The following RGPD4 variants were observed in gnomAD, a reference collection of about 807,000 sequenced individuals.
RGPD4 encodes the protein RANBP2 like and GRIP domain containing 4.
A neutral mutation model predicts 141.1 loss-of-function variants in RGPD4; 84 were observed. The observed-to-expected ratio is 0.60, with a 90% CI of 0.50 to 0.71. The LOEUF (loss-of-function observed/expected upper bound fraction) is 0.71, where lower values mean the gene tolerates loss of function less well. Among genes scored for constraint, RGPD4 ranks in the 30% least tolerant of loss-of-function variants. The pLI is 0.00. For missense variants in RGPD4, 918 were observed against 1,622.4 expected, an observed-to-expected ratio of 0.57 and a Z score of 7.46; for synonymous variants, 298 against 566.8, an observed-to-expected ratio of 0.53 and a Z score of 6.74.
intron 22 of RGPD4, among the ~76,000 whole-genome samples, chr2:107,889,222 C>A (rs559916498): frequency 4.4e-5 from 5 of 112,714 alleles, no homozygotes; most frequent in Admixed American, 2.6e-4. Flanking sequence ...ATCCTATGCA[C>A]AAACCTTGTG....
At chr2:107,827,132 C>A (rs1038208236) in intron 1 of RGPD4, 47 bp downstream of exon 1, 1 of 582,552 alleles carries the variant, frequency 1.7e-6, no homozygotes. Flanking sequence ...GGCCGGGCGG[C>A]GGAGGCCTCG....
intron 22 of RGPD4, among the ~76,000 whole-genome samples, chr2:107,887,069 C>A (rs1346569048): frequency 6.8e-6 from 1 of 147,034 alleles, no homozygotes; most frequent in African/African-American, 2.5e-5. Context: ...ATGGCGAGAC[C>A]CTATGTCTAC....
In RGPD4 at chr2:107,871,904, G is replaced by C. The variant is rs1336055278; in HGVS notation, c.3900G>C (p.Leu1300Phe). ...CTAACTTCAGTTTTAAATCTGCTTT[G>C]AGTCCATCTAAGTCTCCTGCCAAGT... is the stretch of plus-strand genomic sequence containing the variant. ...TGSNFSFKSA[L>F]SPSKSPAKLN... The change falls in exon 20 of 23, where the codon TTG (leucine) becomes TTC (phenylalanine). Residue 1300 changes from leucine to phenylalanine, a missense_variant. Coordinates refer to ENST00000408999, the MANE Select transcript of RGPD4 (RefSeq NM_182588.3). The C allele has an allele frequency of 1.2e-6, 2 of 1,611,538 alleles. 1 individual carries two copies. Among genetic ancestry groups the C allele is most frequent in the South Asian group, 2.2e-5 (2 of 90,988 alleles).
At chr2:107,878,080 A>T (rs1683142083) in intron 20 of RGPD4, among the ~76,000 whole-genome samples, 1 of 150,920 alleles carries the variant, frequency 6.6e-6, no homozygotes, top group Non-Finnish European at 1.5e-5. Flanking sequence ...CCAAACTGCT[A>T]GGATTACAGA....
At chr2:107,876,492 G>C (rs977488444) in intron 20 of RGPD4, among the ~76,000 whole-genome samples, 3 of 151,360 alleles carry the variant, frequency 2.0e-5, no homozygotes, top group Non-Finnish European at 2.9e-5. Context: ...CTAGAGCAAG[G>C]AACTTAGAAA....
intron 1 of RGPD4, among the ~76,000 whole-genome samples, chr2:107,830,090 T>C (rs1681425312): frequency 6.6e-6 from 1 of 151,816 alleles, no homozygotes; most frequent in Non-Finnish European, 1.5e-5. Flanking sequence ...CGCTGTCCCT[T>C]TGTAAGGGTC....
At chr2:107,876,438 T>C (rs1203815137) in intron 20 of RGPD4, among the ~76,000 whole-genome samples, 1 of 151,646 alleles carries the variant, frequency 6.6e-6, no homozygotes, top group African/African-American at 2.4e-5. Flanking sequence ...TTGTTCTCCG[T>C]TGTTAGTCAT....
At chr2:107,856,157 C>T (rs1240507244) in intron 8 of RGPD4, among the ~76,000 whole-genome samples, 1 of 123,668 alleles carries the variant, frequency 8.1e-6, no homozygotes, top group African/African-American at 3.4e-5. Flanking sequence ...GGGTTCACAC[C>T]ATTCTCCTCC....
Position 107,869,869 on chromosome 2 carries a change from T to G in RGPD4, c.2606-14T>G. On this transcript the variant is annotated splice_polypyrimidine_tract_variant and intron_variant, in intron 18 of 22. Transcript: ENST00000408999. The stretch of plus-strand genomic sequence containing the variant: ...TTTAACAGTGTTTTCTTTCTTTTCT[T>G]TTTTTTTTTTTAGTTGCAACTACTG... 8.2e-7 allele frequency: 1 copy of G among 1,221,954 alleles called. No individual in the cohort carries two copies. Among genetic ancestry groups the G allele is most frequent in the East Asian group, 2.5e-5 (1 of 39,234 alleles). 75.7% of individuals were successfully genotyped at this position (1,221,954 alleles called of 1,614,324 possible).
intron 21 of RGPD4, among the ~76,000 whole-genome samples, chr2:107,880,510 G>A (rs1320918686): frequency 6.6e-6 from 1 of 151,566 alleles, no homozygotes. Context: ...TGATCCACCT[G>A]CCTTGGCCTC....
intron 17 of RGPD4, among the ~76,000 whole-genome samples, chr2:107,865,792 C>T (rs889712329): frequency 6.2e-5 from 9 of 145,334 alleles, no homozygotes; most frequent in South Asian, 4.4e-4. Context: ...TAATCAGGTC[C>T]GGGCGTGGTG....
intron 20 of RGPD4, among the ~76,000 whole-genome samples, chr2:107,878,076 TG>T (rs1362240421): frequency 6.6e-6 from 1 of 150,990 alleles, no homozygotes; most frequent in Non-Finnish European, 1.5e-5. Flanking sequence ...CCTCCCAAAC[TG>T]CTAGGATTAC....
At position 107,871,834 on chromosome 2, in the gene RGPD4, C is replaced by G. The variant is rs756941030; in HGVS notation, c.3830C>G (p.Pro1277Arg). 1.2e-6 allele frequency: 2 copies of G among 1,611,568 alleles called. No homozygotes were observed. Among genetic ancestry groups the G allele is most frequent in the Non-Finnish European group, 1.7e-6 (2 of 1,179,852 alleles). Residue 1277 changes from proline to arginine, a missense_variant, in exon 20 of 23, where the codon CCT (proline) becomes CGT (arginine). Transcript: ENST00000408999. ...CATGCTTCTCCATTGGCAAGTAGCC[C>G]TGTGAGAAAAAATCTTTTCCATTTT... ...SVHASPLASS[P>R]VRKNLFHFGE... is the part of the protein sequence containing the mutation.
intron 22 of RGPD4, among the ~76,000 whole-genome samples, chr2:107,886,877 AT>A (rs1675528228): frequency 6.6e-6 from 1 of 151,856 alleles, no homozygotes; most frequent in Non-Finnish European, 1.5e-5. Context: ...AGTATTTTTC[AT>A]TCAGGTTGCT....
chr2:107,851,312 A>G (rs1023549970), intron 7 of RGPD4, among the ~76,000 whole-genome samples: 1 of 73,924 alleles, frequency 1.4e-5, no homozygotes, highest in Admixed American at 1.2e-4. Context: ...AGGTCTTGCT[A>G]TGTTTCCCAG....
Position 107,872,738 on chromosome 2 carries a change from G to T in RGPD4, c.4734G>T (p.Leu1578Phe). ...TTGGATTTAGTTTTAATGCATCTTTGAAAAGTAACAACAGTGAAACTAGTT... is the reference window on the plus strand; with the variant it reads ...TTGGATTTAGTTTTAATGCATCTTTTAAAAGTAACAACAGTGAAACTAGTT... Reference protein sequence around the residue: ...SLFGFSFNASLKSNNSETSSV... With the variant: ...SLFGFSFNASFKSNNSETSSV... The change falls in exon 20 of 23, where the codon TTG (leucine) becomes TTT (phenylalanine). Residue 1578 changes from leucine to phenylalanine, a missense_variant. Coordinates refer to ENST00000408999, the MANE Select transcript of RGPD4 (RefSeq NM_182588.3). 1 of 1,611,590 alleles carries T rather than the reference G, an allele frequency of 6.2e-7. No individual in the cohort carries two copies.
chr2:107,880,083 T>A lies in RGPD4; in HGVS notation c.5040T>A (p.Ser1680Arg), dbSNP rs1395670685. 1.2e-6 allele frequency: 2 copies of A among 1,611,376 alleles called. No homozygotes were observed. Among genetic ancestry groups the A allele is most frequent in the African/African-American group, 2.7e-5 (2 of 74,430 alleles). The stretch of plus-strand genomic sequence containing the variant: ...TGCTTCGGGAAGCAGAGGCAACCAG[T>A]GCAGTCCTTATGGAGCAAATTAAGG... ...NGLLREAEATSAVLMEQIKLL... is the reference protein window; with the variant it reads ...NGLLREAEATRAVLMEQIKLL... The change falls in exon 21 of 23, where the codon AGT (serine) becomes AGA (arginine). Residue 1680 changes from serine to arginine, a missense_variant. Transcript: ENST00000408999.
Position 107,871,831 on chromosome 2 carries a change from G to C in RGPD4, c.3827G>C (p.Ser1276Thr), listed in dbSNP as rs1682933976. 1 of 1,611,582 alleles carries C rather than the reference G, an allele frequency of 6.2e-7. No homozygotes were observed. ...GTACATGCTTCTCCATTGGCAAGTA[G>C]CCCTGTGAGAAAAAATCTTTTCCAT... ...SSVHASPLAS[S>T]PVRKNLFHFG... The change falls in exon 20 of 23, where the codon AGC becomes ACC. Residue 1276 changes from serine to threonine, a missense_variant. Transcript: ENST00000408999.
rs976909139 is a variant in RGPD4, at chr2:107,890,339, A to G, written c.5267-382A>G. Among the ~76,000 whole-genome samples, 221 of 95,148 alleles carry G rather than the reference A, an allele frequency of 2.3e-3. 2 individuals carry two copies. Among genetic ancestry groups the G allele is most frequent in the African/African-American group, 0.01 (213 of 20,960 alleles). The allele number at this position is 95,148 out of a possible 152,430, so 62.4% of individuals were successfully genotyped here. ...TGAAGTGGGAGGATCACTTGAGCCC[A>G]GGAATTTGAGACCAGCCTGGAAAAC... On this transcript the variant is annotated intron_variant, in intron 22 of 22. Coordinates refer to ENST00000408999, the MANE Select transcript of RGPD4 (RefSeq NM_182588.3).
Sources: allele counts gnomAD v4.1 joint callset (sites outside exome capture counted in the v4.1 genomes callset), GRCh38; gene constraint gnomAD v4.1.1; transcripts MANE v1.5; gene names NCBI Gene and HGNC (gene_info 2026-07-23, HGNC 2026-07-21).